Variants in CCDC171 observed in about 807,000 individuals in gnomAD.
CCDC171 encodes the protein coiled-coil domain containing 171.
CCDC171 carries 177 observed loss-of-function variants against 168.2 expected under a neutral mutation model. The observed-to-expected ratio is 1.05, with a 90% CI of 0.93 to 1.19. The LOEUF (loss-of-function observed/expected upper bound fraction) is 1.19. CCDC171 is among the 50% of genes most tolerant of loss of function. CCDC171 has a pLI of 0.00. For missense variants in CCDC171, 1,991 were observed against 1,539.0 expected, an observed-to-expected ratio of 1.29 and a Z score of -4.91; for synonymous variants, 687 against 540.8, an observed-to-expected ratio of 1.27 and a Z score of -3.75.
At chr9:15,920,518 A>G in intron 25 of CCDC171, 96 bp downstream of exon 25, 1 of 878,572 alleles carries the variant, frequency 1.1e-6, no homozygotes, top group Non-Finnish European at 1.7e-6. Flanking sequence ...TTGCCAATAT[A>G]TATAATTTAG....
chr9:15,679,270 A>G (rs1394528034), intron 10 of CCDC171, among the ~76,000 whole-genome samples: 6 of 151,970 alleles, frequency 3.9e-5, no homozygotes, highest in Admixed American at 3.9e-4. Flanking sequence ...TTTGTACCTG[A>G]TCACTCTCTC....
At chr9:16,100,487 G>T in the CCDC171 span, among the ~76,000 whole-genome samples, 1 of 152,164 alleles carries the variant, frequency 6.6e-6, no homozygotes, top group South Asian at 2.1e-4. Flanking sequence ...AGGTATCGAT[G>T]TAATTGGCCA....
intron 24 of CCDC171, among the ~76,000 whole-genome samples, chr9:15,915,793 C>A (rs1020897563): frequency 6.6e-6 from 1 of 152,086 alleles, no homozygotes; most frequent in African/African-American, 2.4e-5. Context: ...CCCTTCTCTG[C>A]CTAGTTCTTT....
intron 24 of CCDC171, among the ~76,000 whole-genome samples, chr9:15,897,345 T>C (rs1821043215): frequency 6.6e-6 from 1 of 152,048 alleles, no homozygotes; most frequent in Non-Finnish European, 1.5e-5. Flanking sequence ...CTAAGCTTAA[T>C]TTTTTCCCAT....
upstream of CCDC171, among the ~76,000 whole-genome samples, chr9:16,039,937 A>C (rs1430266022): frequency 2.0e-5 from 3 of 152,148 alleles, no homozygotes; most frequent in Admixed American, 6.5e-5. Context: ...TAACAGAAGA[A>C]AATGAGCAGT....
At position 15,729,724 on chromosome 9, in the gene CCDC171, T is replaced by C. The variant is rs1421735173; in HGVS notation, c.1975T>C (p.Cys659Arg). ...AGAACAGATCAAAGCCCAAGAGAGC[T>C]GCTGGCACAGACAAAAGAAGGAACT... ...VAEQIKAQES[C>R]WHRQKKELEL... The change falls in exon 16 of 26, where the codon TGC becomes CGC. Residue 659 changes from cysteine to arginine, a missense_variant. By Grantham distance (180) the Cys-to-Arg change is radical. Transcript: ENST00000380701. 1.2e-6 allele frequency: 2 copies of C among 1,613,504 alleles called. No individual in the cohort carries two copies. Among genetic ancestry groups the C allele is most frequent in the Non-Finnish European group, 1.7e-6 (2 of 1,179,584 alleles).
At chr9:15,802,037 T>C (rs1261070008) in intron 21 of CCDC171, among the ~76,000 whole-genome samples, 1 of 151,944 alleles carries the variant, frequency 6.6e-6, no homozygotes, top group Non-Finnish European at 1.5e-5. Context: ...CTGTTGGGGA[T>C]TTTTGCCTCA....
At chr9:16,086,390 C>T in the CCDC171 span, among the ~76,000 whole-genome samples, 1 of 151,632 alleles carries the variant, frequency 6.6e-6, no homozygotes, top group African/African-American at 2.4e-5. Flanking sequence ...TCACTGCAAC[C>T]TCTACCTCTT....
At chr9:15,910,324 A>G (rs776538720) in intron 24 of CCDC171, among the ~76,000 whole-genome samples, 3 of 152,182 alleles carry the variant, frequency 2.0e-5, no homozygotes, top group Non-Finnish European at 4.4e-5. Context: ...ACAATAGGGT[A>G]TAATTTCCCC....
At chr9:15,573,339 G>A (rs1341038995) in intron 3 of CCDC171, among the ~76,000 whole-genome samples, 5 of 151,966 alleles carry the variant, frequency 3.3e-5, no homozygotes, top group African/African-American at 9.7e-5. Context: ...GCAGTGGAGC[G>A]ATCTCGGCTC....
intron 24 of CCDC171, among the ~76,000 whole-genome samples, chr9:15,914,924 C>T (rs1240973727): frequency 1.3e-5 from 2 of 152,078 alleles, no homozygotes; most frequent in Non-Finnish European, 2.9e-5. Flanking sequence ...CTTGTGCTTC[C>T]CGGGTGAGGT....
At chr9:15,760,183 T>G (rs2056366000) in intron 18 of CCDC171, among the ~76,000 whole-genome samples, 1 of 152,198 alleles carries the variant, frequency 6.6e-6, no homozygotes, top group Non-Finnish European at 1.5e-5. Context: ...GGATTACAAA[T>G]TAATAGCATC....
chr9:15,947,854 T>C (rs1828606028), intron 25 of CCDC171, among the ~76,000 whole-genome samples: 1 of 151,946 alleles, frequency 6.6e-6, no homozygotes, highest in Non-Finnish European at 1.5e-5. Flanking sequence ...ATTTAGGTTT[T>C]AGAGTACATG....
the CCDC171 span, among the ~76,000 whole-genome samples, chr9:16,083,603 C>A: frequency 6.6e-6 from 1 of 152,088 alleles, no homozygotes. Context: ...TTGTTAAGGG[C>A]TTTTTAGGAC....
the CCDC171 span, among the ~76,000 whole-genome samples, chr9:16,077,527 T>C: frequency 6.6e-6 from 1 of 152,196 alleles, no homozygotes; most frequent in Non-Finnish European, 1.5e-5. Flanking sequence ...CACCCCCTTG[T>C]GCTCCTGCCT....
intron 21 of CCDC171, among the ~76,000 whole-genome samples, chr9:15,808,756 C>CTA (rs2059188725): frequency 6.6e-6 from 1 of 152,076 alleles, no homozygotes; most frequent in South Asian, 2.1e-4. Flanking sequence ...GATGGGCTGT[C>CTA]TGTGTTGTCT....
chr9:15,584,379 A>G (rs1278824244), intron 4 of CCDC171, among the ~76,000 whole-genome samples: 4 of 152,274 alleles, frequency 2.6e-5, no homozygotes, highest in Admixed American at 1.3e-4. Context: ...GTTTTAGATG[A>G]CATGGGAGCC....
At chr9:16,086,603 T>A in the CCDC171 span, among the ~76,000 whole-genome samples, 1 of 152,266 alleles carries the variant, frequency 6.6e-6, no homozygotes, top group African/African-American at 2.4e-5. Flanking sequence ...TCTTCTCTCT[T>A]TTCTTCTTTA....
At chr9:15,565,498 T>C (rs2039660726) in intron 2 of CCDC171, among the ~76,000 whole-genome samples, 1 of 152,196 alleles carries the variant, frequency 6.6e-6, no homozygotes, top group African/African-American at 2.4e-5. Context: ...TCATTTTTAA[T>C]GGCTGAATTA....
Sources: gnomAD v4.1 joint callset for allele counts (sites outside exome capture counted in the v4.1 genomes callset) on GRCh38, gnomAD v4.1.1 for gene constraint, MANE v1.5 for transcripts, NCBI Gene and HGNC (gene_info 2026-07-23, HGNC 2026-07-21) for gene names.